Variants in ZFAT observed in about 807,000 individuals in gnomAD.
The protein encoded by ZFAT is zinc finger and AT-hook domain containing.
A neutral mutation model predicts 117.7 loss-of-function variants in ZFAT; 64 were observed. The observed-to-expected ratio is 0.54, with a 90% CI of 0.44 to 0.67. ZFAT has a LOEUF of 0.67. Among genes scored for constraint, ZFAT ranks in the 30% least tolerant of loss-of-function variants. The probability of loss-of-function intolerance (pLI) is 0.00; values close to 1 mark genes in which losing one functional copy is unlikely to be tolerated. For synonymous variants in ZFAT, 679 were observed against 615.0 expected (o/e 1.10, Z -1.54); for missense variants, 1,433 against 1,584.5 (o/e 0.90, Z 1.62).
the ZFAT span, among the ~76,000 whole-genome samples, chr8:134,775,173 T>G: frequency 6.6e-6 from 1 of 152,128 alleles, no homozygotes; most frequent in South Asian, 2.1e-4. Context: ...ACAGTCCACT[T>G]GTTTTCAGTG....
chr8:134,650,914 G>A (rs1831197468), intron 2 of ZFAT, among the ~76,000 whole-genome samples: 1 of 152,134 alleles, frequency 6.6e-6, no homozygotes, highest in Non-Finnish European at 1.5e-5. Context: ...ACTTAAAATG[G>A]ATCAAAGACT....
intron 7 of ZFAT, among the ~76,000 whole-genome samples, chr8:134,590,624 CCAGCACTATCAATAGTCAT>C (rs1563641199): frequency 1.6e-4 from 24 of 151,636 alleles, no homozygotes; most frequent in African/African-American, 5.6e-4. Context: ...GTCATCACCA[CCAGCACTATCAATAGTCAT>C]CACCACCACC....
intron 14 of ZFAT, 178 bp from the exon 15 acceptor site, chr8:134,509,927 G>A (rs979022092): frequency 8.0e-6 from 6 of 749,740 alleles, no homozygotes; most frequent in Middle Eastern, 2.5e-4. Flanking sequence ...AGCTTACAAA[G>A]CATTTTCTAT....
the ZFAT span, among the ~76,000 whole-genome samples, chr8:134,724,996 C>T: frequency 5.1e-4 from 77 of 152,304 alleles, 1 homozygote; most frequent in African/African-American, 1.7e-3. Flanking sequence ...TTTAAAGCCC[C>T]TCCCTGGGGC....
rs758050176 is a variant in ZFAT, at chr8:134,638,549, C to CAAAAAAAAAAAAA, written c.197-838_197-837insTTTTTTTTTTTTT. On this transcript the variant is annotated intron_variant, in intron 2 of 15. Coordinates refer to ENST00000377838, the MANE Select transcript of ZFAT (RefSeq NM_020863.4). ...TGAAACTCTGTCTCTACTAAAAATA[C>CAAAAAAAAAAAAA]AAAAAAAAAACAAAACAAAAAAAAA... is the stretch of plus-strand genomic sequence containing the variant. 1.0e-3 allele frequency among the ~76,000 whole-genome samples: 105 copies of CAAAAAAAAAAAAA among 101,066 alleles called. 2 individuals carry two copies. Among genetic ancestry groups the CAAAAAAAAAAAAA allele is most frequent in the Non-Finnish European group, 1.3e-3 (63 of 47,262 alleles). 66.3% of individuals were successfully genotyped at this position (101,066 alleles called of 152,430 possible). A position where few individuals can be genotyped will look rare whatever the true frequency, so the allele number is the denominator to read the frequency against.
intron 2 of ZFAT, among the ~76,000 whole-genome samples, chr8:134,653,155 G>T (rs567505247): frequency 5.6e-4 from 81 of 144,544 alleles, no homozygotes; most frequent in East Asian, 1.8e-3. Context: ...TTTTGGTGGG[G>T]TTTTTTTTTT....
intron 11 of ZFAT, among the ~76,000 whole-genome samples, chr8:134,556,419 G>A (rs966603143): frequency 6.6e-6 from 1 of 151,952 alleles, no homozygotes; most frequent in Non-Finnish European, 1.5e-5. Flanking sequence ...GGAAGAAAGA[G>A]ATAATGGTTG....
At chr8:134,528,427 A>G (rs1053807926) in intron 12 of ZFAT, among the ~76,000 whole-genome samples, 1 of 152,254 alleles carries the variant, frequency 6.6e-6, no homozygotes, top group African/African-American at 2.4e-5. Flanking sequence ...TAAGATGTCT[A>G]AAAATCAAAT....
chr8:134,578,145 C>T (rs1023322348), intron 10 of ZFAT, among the ~76,000 whole-genome samples: 5 of 151,992 alleles, frequency 3.3e-5, no homozygotes, highest in African/African-American at 7.2e-5. Flanking sequence ...CTGGGCATGG[C>T]GGCTCACATG....
At chr8:134,603,776 G>A (rs2130938524) in intron 5 of ZFAT, among the ~76,000 whole-genome samples, 1 of 152,314 alleles carries the variant, frequency 6.6e-6, no homozygotes, top group East Asian at 1.9e-4. Context: ...GAGCAATCCA[G>A]GACTGCGGGT....
chr8:134,591,726 T>G (rs1223278370), intron 7 of ZFAT, among the ~76,000 whole-genome samples: 2 of 152,136 alleles, frequency 1.3e-5, no homozygotes, highest in African/African-American at 2.4e-5. Flanking sequence ...GAGAACACCA[T>G]GTGCAGATGG....
intron 1 of ZFAT, among the ~76,000 whole-genome samples, chr8:134,680,692 A>G (rs1169867320): frequency 2.0e-5 from 3 of 152,230 alleles, no homozygotes; most frequent in African/African-American, 7.2e-5. Context: ...ATAGTTAGTT[A>G]CATAAGATGT....
the ZFAT span, among the ~76,000 whole-genome samples, chr8:134,755,162 G>T: frequency 6.6e-6 from 1 of 151,834 alleles, no homozygotes; most frequent in African/African-American, 2.4e-5. Flanking sequence ...CTAACACTTT[G>T]GGAGGCCGAG....
At chr8:134,725,587 G>C in the ZFAT span, among the ~76,000 whole-genome samples, 5 of 152,062 alleles carry the variant, frequency 3.3e-5, no homozygotes, top group South Asian at 1.0e-3. Context: ...AGGATCCACC[G>C]CCACGATCTA....
the ZFAT span, among the ~76,000 whole-genome samples, chr8:134,772,573 G>T: frequency 6.6e-6 from 1 of 152,234 alleles, no homozygotes; most frequent in African/African-American, 2.4e-5. Context: ...CTTAAAAAAA[G>T]AAGCCATCCC....
chr8:134,769,078 C>G, the ZFAT span, among the ~76,000 whole-genome samples: 1 of 152,122 alleles, frequency 6.6e-6, no homozygotes, highest in Non-Finnish European at 1.5e-5. Flanking sequence ...GAGGCTGAGG[C>G]AGGAGAATCG....
intron 12 of ZFAT, among the ~76,000 whole-genome samples, chr8:134,531,572 G>C (rs1402904079): frequency 6.6e-6 from 1 of 152,214 alleles, no homozygotes; most frequent in Admixed American, 6.5e-5. Flanking sequence ...CAGGTGAAGA[G>C]CCTAAGAGGG....
intron 1 of ZFAT, among the ~76,000 whole-genome samples, chr8:134,703,580 T>C (rs547370521): frequency 1.3e-5 from 2 of 152,268 alleles, no homozygotes; most frequent in Admixed American, 6.5e-5. Flanking sequence ...TAGGGAGAGA[T>C]TGAGTGGGGC....
At chr8:134,592,860 C>T (rs1165577998) in intron 7 of ZFAT, among the ~76,000 whole-genome samples, 2 of 152,200 alleles carry the variant, frequency 1.3e-5, no homozygotes, top group Non-Finnish European at 1.5e-5. Context: ...ACCAAAAGTC[C>T]TTCTGAACAA....
Sources: allele counts gnomAD v4.1 joint callset (sites outside exome capture counted in the v4.1 genomes callset), GRCh38; gene constraint gnomAD v4.1.1; transcripts MANE v1.5; gene names NCBI Gene and HGNC (gene_info 2026-07-23, HGNC 2026-07-21).